Variants in PANK1 observed in about 807,000 individuals in gnomAD.
PANK1 encodes pantothenic acid kinase 1.
Under a neutral mutation model 40.1 loss-of-function variants are expected in PANK1, and 18 were observed. That is an observed-to-expected ratio of 0.45 (90% CI 0.31 to 0.67). The LOEUF is 0.67. PANK1 is among the 30% of genes least tolerant of loss of function. PANK1 has a pLI of 0.06. For missense variants in PANK1, 457 were observed against 599.6 expected, an observed-to-expected ratio of 0.76 and a Z score of 2.48; for synonymous variants, 242 against 237.7, an observed-to-expected ratio of 1.02 and a Z score of -0.17.
intron 3 of PANK1, among the ~76,000 whole-genome samples, chr10:89,595,871 T>TAAA (rs1392931567): frequency 1.0e-5 from 1 of 98,646 alleles, no homozygotes; most frequent in Non-Finnish European, 2.0e-5. Flanking sequence ...TATATATATA[T>TAAA]ATAACTTCAT....
chr10:89,624,232 T>C (rs983981394), intron 1 of PANK1, among the ~76,000 whole-genome samples: 5 of 152,180 alleles, frequency 3.3e-5, no homozygotes, highest in African/African-American at 1.2e-4. Flanking sequence ...GGTTAACCCA[T>C]CTGTTAGGTG....
At chr10:89,599,093 C>A in intron 3 of PANK1, 159 bp downstream of exon 3, 1 of 643,484 alleles carries the variant, frequency 1.6e-6, no homozygotes, top group Non-Finnish European at 2.7e-6. Context: ...ATAAATCACC[C>A]ACATACCACT....
chr10:89,588,262 G>A (rs909098734), intron 6 of PANK1, among the ~76,000 whole-genome samples: 1 of 152,040 alleles, frequency 6.6e-6, no homozygotes, highest in Non-Finnish European at 1.5e-5. Flanking sequence ...ATTGTGAGTA[G>A]TGCTGCAATA....
intron 1 of PANK1, among the ~76,000 whole-genome samples, chr10:89,618,869 C>A (rs1357783108): frequency 1.3e-5 from 2 of 152,232 alleles, no homozygotes; most frequent in Non-Finnish European, 1.5e-5. Context: ...GAGCTTCCAG[C>A]CACCTTTCAA....
chr10:89,632,985 T>G (rs962723905), intron 1 of PANK1, among the ~76,000 whole-genome samples: 2 of 152,150 alleles, frequency 1.3e-5, no homozygotes, highest in Non-Finnish European at 2.9e-5. Context: ...AATGCATCAA[T>G]AATTCAATTA....
chr10:89,595,873 T>TATAAAA lies in PANK1; in HGVS notation c.900-1885_900-1884insTTTTAT, dbSNP rs781450193. On this transcript the variant is annotated intron_variant, in intron 3 of 6. Coordinates refer to ENST00000307534, the MANE Select transcript of PANK1 (RefSeq NM_148977.3). ...ATATATATATATATATATATATATATAACTTCATTTACTAATATATATATG... is the reference window on the plus strand; with the variant it reads ...ATATATATATATATATATATATATATATAAAAAACTTCATTTACTAATATATATATG... Among the ~76,000 whole-genome samples, 51 of 81,466 alleles carry TATAAAA rather than the reference T, an allele frequency of 6.3e-4. 1 individual carries two copies. Among genetic ancestry groups the TATAAAA allele is most frequent in the East Asian group, 1.3e-3 (3 of 2,300 alleles). The allele number at this position is 81,466 out of a possible 152,430, so 53.4% of individuals were successfully genotyped here. A position where few individuals can be genotyped will look rare whatever the true frequency, so the allele number is the denominator to read the frequency against.
chr10:89,625,083 G>A (rs1388979274), intron 1 of PANK1, among the ~76,000 whole-genome samples: 6 of 152,058 alleles, frequency 3.9e-5, no homozygotes, highest in Admixed American at 6.5e-5. Flanking sequence ...ACATTTTTTG[G>A]TAGAGATGGG....
intron 2 of PANK1, among the ~76,000 whole-genome samples, chr10:89,604,439 C>A (rs1042088193): frequency 2.0e-5 from 3 of 152,086 alleles, no homozygotes; most frequent in African/African-American, 7.2e-5. Flanking sequence ...TGCCTGTAAT[C>A]CCAGCACTTT....
chr10:89,630,382 T>G (rs983617015), intron 1 of PANK1, among the ~76,000 whole-genome samples: 9 of 152,210 alleles, frequency 5.9e-5, no homozygotes, highest in Non-Finnish European at 1.2e-4. Context: ...ATTATTTAAT[T>G]CAGTTCTCAT....
At chr10:89,597,377 C>T (rs1844641672) in intron 3 of PANK1, among the ~76,000 whole-genome samples, 2 of 152,116 alleles carry the variant, frequency 1.3e-5, no homozygotes, top group South Asian at 4.1e-4. Context: ...CGTGGTAGCC[C>T]CTGAAAGGGT....
chr10:89,597,053 G>C (rs1844631392), intron 3 of PANK1, among the ~76,000 whole-genome samples: 1 of 152,126 alleles, frequency 6.6e-6, no homozygotes, highest in Non-Finnish European at 1.5e-5. Flanking sequence ...CTGACATCCT[G>C]TGTAGCTTCT....
chr10:89,595,825 AAAAAAAAAATATATATATATAT>A (rs1254721768), intron 3 of PANK1, among the ~76,000 whole-genome samples: 6 of 69,384 alleles, frequency 8.6e-5, no homozygotes, highest in East Asian at 5.8e-4. Flanking sequence ...TTAAAAAAAA[AAAAAAAAAATATATATATATAT>A]ATATATATAT....
chr10:89,623,459 C>T (rs1342641561), intron 1 of PANK1, among the ~76,000 whole-genome samples: 3 of 151,850 alleles, frequency 2.0e-5, no homozygotes, highest in Admixed American at 2.0e-4. Flanking sequence ...CTTCTGACCT[C>T]GCGATTCTCC....
intron 1 of PANK1, among the ~76,000 whole-genome samples, chr10:89,617,771 T>C (rs1049001041): frequency 6.6e-6 from 1 of 152,140 alleles, no homozygotes; most frequent in Admixed American, 6.5e-5. Context: ...AATAAGCAAA[T>C]ACAAGTATGC....
At chr10:89,629,238 C>T (rs1417134693) in intron 1 of PANK1, among the ~76,000 whole-genome samples, 3 of 152,178 alleles carry the variant, frequency 2.0e-5, no homozygotes, top group African/African-American at 7.2e-5. Context: ...GTGTTTGCTT[C>T]CTTCCAGTGC....
rs1417640744 is a variant in PANK1, at chr10:89,583,710, C to T, written c.*696G>A. On this transcript the variant is annotated 3_prime_UTR_variant, in exon 7 of 7. Transcript: ENST00000307534. ...ATTAACACATTCAGTCTTCTCTTCA[C>T]GGGCATTTTCAAGAGCTTTAGATCT... 3 of 152,158 alleles carry T rather than the reference C, an allele frequency of 2.0e-5. No homozygotes were observed. The highest frequency in any genetic ancestry group is 1.9e-4 in the East Asian group (1 of 5,202). The allele number at this position is 152,158 out of a possible 1,614,324, so 9.4% of individuals were successfully genotyped here.
At chr10:89,599,755 CGT>C (rs1844720217) in intron 2 of PANK1, among the ~76,000 whole-genome samples, 1 of 152,126 alleles carries the variant, frequency 6.6e-6, no homozygotes, top group Admixed American at 6.5e-5. Flanking sequence ...CACCCATCAG[CGT>C]GTGTTGTGGG....
chr10:89,600,892 T>C (rs74146985), intron 2 of PANK1, among the ~76,000 whole-genome samples: 12,452 of 152,220 alleles, frequency 0.082, 674 homozygotes, highest in African/African-American at 0.15. Context: ...AAAAATATAA[T>C]AGCAAGTATT....
At chr10:89,588,844 G>A in intron 5 of PANK1, 67 bp from the exon 6 acceptor site, 8 of 1,169,922 alleles carry the variant, frequency 6.8e-6, no homozygotes, top group Non-Finnish European at 9.7e-6. Context: ...AAGACCCAAT[G>A]TTCTGTATGT....
Sources: gnomAD v4.1 joint callset for allele counts (sites outside exome capture counted in the v4.1 genomes callset) on GRCh38, gnomAD v4.1.1 for gene constraint, MANE v1.5 for transcripts, NCBI Gene and HGNC (gene_info 2026-07-23, HGNC 2026-07-21) for gene names.